PIAS2: variants seen among roughly 807,000 people sequenced by gnomAD.
PIAS2 encodes protein inhibitor of activated STAT 2, also known as E3 SUMO-protein ligase PIAS2.
A neutral mutation model predicts 69.7 loss-of-function variants in PIAS2; 19 were observed. That is an observed-to-expected ratio of 0.27 (90% CI 0.19 to 0.40). PIAS2 has a LOEUF of 0.40. Among genes scored for constraint, PIAS2 ranks in the 10% least tolerant of loss-of-function variants. PIAS2 has a pLI of 1.00. For missense variants in PIAS2, 624 were observed against 757.0 expected, an observed-to-expected ratio of 0.82 and a Z score of 2.06; for synonymous variants, 261 against 263.2, an observed-to-expected ratio of 0.99 and a Z score of 0.08.
At chr18:46,838,856 G>A (rs1462343765) in intron 8 of PIAS2, among the ~76,000 whole-genome samples, 1 of 152,104 alleles carries the variant, frequency 6.6e-6, no homozygotes, top group Non-Finnish European at 1.5e-5. Context: ...ACATCCCAGA[G>A]ACATGCCAGT....
intron 9 of PIAS2, 151 bp from the exon 10 acceptor site, chr18:46,830,018 T>C (rs1255684823): frequency 3.2e-6 from 2 of 626,174 alleles, no homozygotes; most frequent in African/African-American, 3.7e-5. Context: ...TTACAACAAT[T>C]ATTACACTCC....
At chr18:46,913,226 C>T (rs1326638102) in intron 1 of PIAS2, among the ~76,000 whole-genome samples, 1 of 152,154 alleles carries the variant, frequency 6.6e-6, no homozygotes, top group Non-Finnish European at 1.5e-5. Context: ...ATCCTAACAG[C>T]ACTTGAAGTT....
At chr18:46,914,383 C>G (rs1273189692) in intron 1 of PIAS2, among the ~76,000 whole-genome samples, 1 of 152,130 alleles carries the variant, frequency 6.6e-6, no homozygotes, top group Non-Finnish European at 1.5e-5. Flanking sequence ...CCCAGAAGAA[C>G]TGGAAGAGAG....
intron 13 of PIAS2, among the ~76,000 whole-genome samples, chr18:46,813,632 G>C (rs1192616971): frequency 6.6e-6 from 1 of 152,094 alleles, no homozygotes; most frequent in East Asian, 1.9e-4. Context: ...CTGGATTATG[G>C]AACAGGAATT....
At position 46,885,138 on chromosome 18, in the gene PIAS2, G is replaced by A. The variant is rs182300273; in HGVS notation, c.499+5442C>T. Among the ~76,000 whole-genome samples, 792 of 152,086 alleles carry A rather than the reference G, an allele frequency of 5.2e-3. 5 individuals carry two copies. The highest frequency in any genetic ancestry group is 0.018 in the African/African-American group (744 of 41,498). On this transcript the variant is annotated intron_variant, in intron 2 of 13. Transcript: ENST00000585916. ...GATACCACAATTTTTCACTTCAAGT[G>A]ATAAAAAAAATTTTATATCAACCCT...
chr18:46,914,181 A>G (rs2057550135), intron 1 of PIAS2, among the ~76,000 whole-genome samples: 1 of 152,198 alleles, frequency 6.6e-6, no homozygotes. Flanking sequence ...CTTCTAATAT[A>G]TAACACATTA....
In PIAS2 at chr18:46,821,726, A is replaced by T. The variant is rs189133352; in HGVS notation, c.1509-654T>A. ...CACCTACCAGGTAGGTGAAATCCTA[A>T]GAGAGTTTATGATTTTAAAATTAGC... On this transcript the variant is annotated intron_variant, in intron 11 of 13. Transcript: ENST00000585916. Among the ~76,000 whole-genome samples the T allele has an allele frequency of 9.5e-4, 144 of 152,306 alleles. 2 individuals carry two copies. Among genetic ancestry groups the T allele is most frequent in the South Asian group, 4.8e-3 (23 of 4,824 alleles).
intron 2 of PIAS2, among the ~76,000 whole-genome samples, chr18:46,885,561 GT>G (rs1012652264): frequency 7.9e-5 from 12 of 151,862 alleles, no homozygotes; most frequent in African/African-American, 2.9e-4. Context: ...ACTCATTATG[GT>G]TTTTTGACAT....
At chr18:46,842,225 C>CA (rs2045507431) in intron 8 of PIAS2, among the ~76,000 whole-genome samples, 1 of 51,876 alleles carries the variant, frequency 1.9e-5, no homozygotes, top group Non-Finnish European at 3.7e-5. Context: ...GACCCTGTCT[C>CA]AAAAAAAATT....
intron 8 of PIAS2, among the ~76,000 whole-genome samples, chr18:46,842,723 GT>G (rs1373362814): frequency 6.6e-6 from 1 of 152,144 alleles, no homozygotes; most frequent in African/African-American, 2.4e-5. Context: ...ATGCCTGAAG[GT>G]TTGCATAGAG....
chr18:46,877,860 CTT>C (rs1041005043), intron 2 of PIAS2, among the ~76,000 whole-genome samples: 1 of 152,150 alleles, frequency 6.6e-6, no homozygotes, highest in African/African-American at 2.4e-5. Flanking sequence ...ACTCCGAGCT[CTT>C]GTTTCTAACA....
rs2040584854 is a variant in PIAS2 at position 46,804,106 on chromosome 18, C to G, written c.*8327G>C. 6.6e-6 allele frequency: 1 copy of G among 152,178 alleles called. No homozygotes were observed. Among genetic ancestry groups the G allele is most frequent in the Admixed American group, 6.6e-5 (1 of 15,264 alleles). 9.4% of individuals were successfully genotyped at this position (152,178 alleles called of 1,614,324 possible). On this transcript the variant is annotated 3_prime_UTR_variant, in exon 14 of 14. Coordinates refer to ENST00000585916, the MANE Select transcript of PIAS2 (RefSeq NM_004671.5). The stretch of plus-strand genomic sequence containing the variant: ...GCATAAGTCAAATGCAAATGGTTAT[C>G]CACCATTTCTTCATCCACCAATATT...
upstream of PIAS2, among the ~76,000 whole-genome samples, chr18:46,918,221 T>TA (rs780695745): frequency 2.0e-5 from 3 of 152,084 alleles, no homozygotes; most frequent in Non-Finnish European, 4.4e-5. Flanking sequence ...AATGTGCTGA[T>TA]ATAGGATGAA....
At chr18:46,920,048 C>G, upstream of PIAS2, 1 of 1,289,230 alleles carries the variant, frequency 7.8e-7, no homozygotes, top group Non-Finnish European at 1.0e-6. Flanking sequence ...CAAAGCCCCA[C>G]TGAAACTTAC....
At chr18:46,876,629 A>G (rs1370822196) in intron 2 of PIAS2, among the ~76,000 whole-genome samples, 1 of 152,102 alleles carries the variant, frequency 6.6e-6, no homozygotes, top group Non-Finnish European at 1.5e-5. Flanking sequence ...CAACAAAAGC[A>G]TTACAAGGTC....
intron 1 of PIAS2, among the ~76,000 whole-genome samples, chr18:46,910,937 G>C (rs989554185): frequency 2.0e-5 from 3 of 152,082 alleles, no homozygotes; most frequent in Non-Finnish European, 4.4e-5. Context: ...AACTATTGAA[G>C]GCTGTATTCC....
In PIAS2 at chr18:46,898,851, G is replaced by A. The variant is rs866399478; in HGVS notation, c.25-7797C>T. ...TCTACTAAAAATACAAATATTAGCC[G>A]GGCGTGATGGGAGGGTGCCTGTAAT... On this transcript the variant is annotated intron_variant, in intron 1 of 13. Coordinates refer to ENST00000585916, the MANE Select transcript of PIAS2 (RefSeq NM_004671.5). 2.8e-4 allele frequency among the ~76,000 whole-genome samples: 42 copies of A among 151,826 alleles called. No individual in the cohort carries two copies. The Middle Eastern group carries it at 0.01, about 37-fold the overall frequency.
chr18:46,818,333 TG>T, intron 12 of PIAS2: 1 of 1,474,410 alleles, frequency 6.8e-7, no homozygotes, highest in Non-Finnish European at 9.0e-7. Flanking sequence ...TGAAATAAGC[TG>T]TTTTCCACTC....
chr18:46,887,054 C>T lies in PIAS2; in HGVS notation c.499+3526G>A, dbSNP rs188359406. 2.4e-4 allele frequency among the ~76,000 whole-genome samples: 37 copies of T among 152,168 alleles called. No individual in the cohort carries two copies. The East Asian group carries it at 5.2e-3, about 21-fold the overall frequency. On this transcript the variant is annotated intron_variant, in intron 2 of 13. Coordinates refer to ENST00000585916, the MANE Select transcript of PIAS2 (RefSeq NM_004671.5). Reference sequence around the variant, plus strand: ...TTAAACTGGCACTAAAATAATTTGGCAATATGTTATCAAGAGTCTAAAACG... The same window carrying T: ...TTAAACTGGCACTAAAATAATTTGGTAATATGTTATCAAGAGTCTAAAACG...
Sources: allele counts gnomAD v4.1 joint callset (sites outside exome capture counted in the v4.1 genomes callset), GRCh38; gene constraint gnomAD v4.1.1; transcripts MANE v1.5; gene names NCBI Gene and HGNC (gene_info 2026-07-23, HGNC 2026-07-21).